The following RAB5IF variants were observed in gnomAD, a reference collection of about 807,000 sequenced individuals.
RAB5IF encodes the protein GEL complex subunit OPTI.
RAB5IF carries 15 observed loss-of-function variants against 20.3 expected under a neutral mutation model. The observed-to-expected ratio is 0.74, with a 90% confidence interval of 0.50 to 1.14. The LOEUF (loss-of-function observed/expected upper bound fraction) is 1.14, where lower values mean the gene tolerates loss of function less well. Among genes scored for constraint, RAB5IF ranks in the 50% most tolerant of loss-of-function variants. The pLI is 0.00. For synonymous variants in RAB5IF, 67 were observed against 63.7 expected (o/e 1.05, Z -0.25); for missense variants, 148 against 159.5 (o/e 0.93, Z 0.39).
In RAB5IF at chr20:36,612,322, C is replaced by A; in HGVS notation, c.*271C>A. ...ACCATCAAGTAACAGCTATTATTTG[C>A]CAAGTGGAGCTGTCATTTAATTTGA... On this transcript the variant is annotated 3_prime_UTR_variant, in exon 4 of 4. Coordinates refer to ENST00000344795, the MANE Select transcript of RAB5IF (RefSeq NM_018840.5). 9.1e-7 allele frequency: 1 copy of A among 1,102,844 alleles called. No individual in the cohort carries two copies. Among genetic ancestry groups the A allele is most frequent in the Non-Finnish European group, 1.4e-6 (1 of 728,944 alleles). The allele number at this position is 1,102,844 out of a possible 1,614,324, so 68.3% of individuals were successfully genotyped here.
At chr20:36,609,286 TGTA>T (rs1356997540) in intron 2 of RAB5IF, among the ~76,000 whole-genome samples, 3 of 149,686 alleles carry the variant, frequency 2.0e-5, no homozygotes, top group African/African-American at 7.4e-5. Context: ...TTGCCCAGGC[TGTA>T]GTGCAGTGGA....
At chr20:36,609,389 AC>A (rs1006109462) in intron 2 of RAB5IF, among the ~76,000 whole-genome samples, 5 of 151,562 alleles carry the variant, frequency 3.3e-5, no homozygotes, top group African/African-American at 1.2e-4. Flanking sequence ...ACAGGCGCCC[AC>A]CACAATGCCC....
intron 2 of RAB5IF, chr20:36,608,330 G>A (rs1292388013): frequency 5.8e-6 from 1 of 173,760 alleles, no homozygotes; most frequent in South Asian, 1.1e-4. Context: ...CTGCAGCCTC[G>A]ACCTCCTGGA....
chr20:36,611,229 G>T (rs1338768727), intron 3 of RAB5IF, among the ~76,000 whole-genome samples: 4 of 152,082 alleles, frequency 2.6e-5, no homozygotes, highest in African/African-American at 7.2e-5. Context: ...GACCTCAGGT[G>T]ATCTGCCTGC....
intron 3 of RAB5IF, among the ~76,000 whole-genome samples, chr20:36,611,495 A>G (rs2039116830): frequency 7.4e-6 from 1 of 135,266 alleles, no homozygotes; most frequent in Non-Finnish European, 1.6e-5. Flanking sequence ...GCAGGACTCA[A>G]AAAAAAAAAA....
Position 36,611,512 on chromosome 20 carries a change from A to C in RAB5IF, c.349-498A>C, listed in dbSNP as rs1387536118. 2.6e-5 allele frequency among the ~76,000 whole-genome samples: 4 copies of C among 151,800 alleles called. No homozygotes were observed. The South Asian group carries it at 6.2e-4, about 24-fold the overall frequency. On this transcript the variant is annotated intron_variant, in intron 3 of 3. Coordinates refer to ENST00000344795, the MANE Select transcript of RAB5IF (RefSeq NM_018840.5). ...AGGACTCAAAAAAAAAAAAAAAAAA[A>C]AAACCACAAAACCTTATGTGTCCAG...
At position 36,612,058 on chromosome 20, in the gene RAB5IF, A is replaced by G; in HGVS notation, c.*7A>G. 1.2e-6 allele frequency: 2 copies of G among 1,614,152 alleles called. No homozygotes were observed. Among genetic ancestry groups the G allele is most frequent in the Non-Finnish European group, 8.5e-7 (1 of 1,180,044 alleles). On this transcript the variant is annotated 3_prime_UTR_variant, in exon 4 of 4. Transcript: ENST00000344795. Reference sequence around the variant, plus strand: ...TGCCATCCATTATGACTGATGGTGTACAGCTCCCAAGTGCTCCCTATCCAG... The same window carrying G: ...TGCCATCCATTATGACTGATGGTGTGCAGCTCCCAAGTGCTCCCTATCCAG...
In RAB5IF at chr20:36,605,922, C is replaced by A; in HGVS notation, c.-30C>A. On this transcript the variant is annotated 5_prime_UTR_variant, in exon 1 of 4. Coordinates refer to ENST00000344795, the MANE Select transcript of RAB5IF (RefSeq NM_018840.5). ...TCCCTTTGGCTCAGCCCGCGCGCCC[C>A]AGGCCCGGCCCGGGCGGCGCGACGG... is the stretch of plus-strand genomic sequence containing the variant. The A allele has an allele frequency of 7.0e-7, 1 of 1,424,644 alleles. No homozygotes were observed. The highest frequency in any genetic ancestry group is 9.3e-7 in the Non-Finnish European group (1 of 1,072,672). 88.3% of individuals were successfully genotyped at this position (1,424,644 alleles called of 1,614,324 possible).
At chr20:36,607,324 G>A (rs62206140) in intron 1 of RAB5IF, among the ~76,000 whole-genome samples, 1,551 of 149,692 alleles carry the variant, frequency 0.01, 20 homozygotes, top group South Asian at 0.025. Context: ...CACCTCCCAG[G>A]TTCAAGCAAT....
rs2039144871 is a variant in RAB5IF, at chr20:36,612,328, G to A, written c.*277G>A. ...AAGTAACAGCTATTATTTGCCAAGTGGAGCTGTCATTTAATTTGATGCACC... is the reference window on the plus strand; with the variant it reads ...AAGTAACAGCTATTATTTGCCAAGTAGAGCTGTCATTTAATTTGATGCACC... On this transcript the variant is annotated 3_prime_UTR_variant, in exon 4 of 4. Coordinates refer to ENST00000344795, the MANE Select transcript of RAB5IF (RefSeq NM_018840.5). The A allele has an allele frequency of 2.8e-6, 3 of 1,058,202 alleles. No homozygotes were observed. The highest frequency in any genetic ancestry group is 1.4e-5 in the South Asian group (1 of 73,474). 65.6% of individuals were successfully genotyped at this position (1,058,202 alleles called of 1,614,324 possible).
chr20:36,609,175 A>ACGCACG (rs2039018665), intron 2 of RAB5IF, among the ~76,000 whole-genome samples: 1 of 25,510 alleles, frequency 3.9e-5, no homozygotes, highest in African/African-American at 1.8e-4. Context: ...ACACACACAC[A>ACGCACG]CACACACACA....
Position 36,612,476 on chromosome 20 carries a change from C to T in RAB5IF, c.*425C>T, listed in dbSNP as rs1329420125. The T allele has an allele frequency of 1.8e-6, 1 of 547,340 alleles. No individual in the cohort carries two copies. The highest frequency in any genetic ancestry group is 3.3e-6 in the Non-Finnish European group (1 of 304,506). 33.9% of individuals were successfully genotyped at this position (547,340 alleles called of 1,614,324 possible). On this transcript the variant is annotated 3_prime_UTR_variant, in exon 4 of 4. Transcript: ENST00000344795. ...ATGGCTGTATGTGCGTGGTCCATAGCACAGTACATGCAGCATCTAATAAGA... is the reference window on the plus strand; with the variant it reads ...ATGGCTGTATGTGCGTGGTCCATAGTACAGTACATGCAGCATCTAATAAGA...
At chr20:36,610,466 C>G (rs2039081125) in intron 3 of RAB5IF, among the ~76,000 whole-genome samples, 1 of 152,080 alleles carries the variant, frequency 6.6e-6, no homozygotes, top group Non-Finnish European at 1.5e-5. Flanking sequence ...CTTTGGGAGG[C>G]CGAGGCGGGC....
chr20:36,611,493 CAAAAAAAAA>C (rs60975859), intron 3 of RAB5IF, among the ~76,000 whole-genome samples: 5 of 46,544 alleles, frequency 1.1e-4, no homozygotes, highest in East Asian at 6.4e-4. Flanking sequence ...CAGCAGGACT[CAAAAAAAAA>C]AAAAAAAAAA....
chr20:36,611,936 C>T (rs1291012753), intron 3 of RAB5IF, 74 bp from the exon 4 acceptor site: 1 of 1,594,970 alleles, frequency 6.3e-7, no homozygotes, highest in Non-Finnish European at 8.6e-7. Flanking sequence ...ACATTCTCAT[C>T]TGGCATTTTT....
Position 36,612,282 on chromosome 20 carries a change from C to A in RAB5IF, c.*231C>A. 1 of 1,515,602 alleles carries A rather than the reference C, an allele frequency of 6.6e-7. No homozygotes were observed. Among genetic ancestry groups the A allele is most frequent in the Non-Finnish European group, 9.2e-7 (1 of 1,091,256 alleles). 93.9% of individuals were successfully genotyped at this position (1,515,602 alleles called of 1,614,324 possible). A position where few individuals can be genotyped will look rare whatever the true frequency, so the allele number is the denominator to read the frequency against. On this transcript the variant is annotated 3_prime_UTR_variant, in exon 4 of 4. Coordinates refer to ENST00000344795, the MANE Select transcript of RAB5IF (RefSeq NM_018840.5). Reference sequence around the variant, plus strand: ...ATTTCTGAATTTATCCATCACCAACCATTTCTTCTTGGATACCATCAAGTA... The same window carrying A: ...ATTTCTGAATTTATCCATCACCAACAATTTCTTCTTGGATACCATCAAGTA...
Position 36,612,162 on chromosome 20 carries a change from G to GT in RAB5IF, c.*114dup. ...GCCCCTTGGAACTTGGAAGACCCGT[G>GT]TTTCCTGGACCGCGAATCAGTGTGT... On this transcript the variant is annotated 3_prime_UTR_variant, in exon 4 of 4. Coordinates refer to ENST00000344795, the MANE Select transcript of RAB5IF (RefSeq NM_018840.5). 6.2e-7 allele frequency: 1 copy of GT among 1,614,198 alleles called. No homozygotes were observed. The highest frequency in any genetic ancestry group is 1.1e-5 in the South Asian group (1 of 91,092).
Position 36,609,606 on chromosome 20 carries a change from G to T in RAB5IF, c.224G>T (p.Cys75Phe), listed in dbSNP as rs777275491. The part of the protein sequence containing the change: ...LRGFLGIAGF[C>F]LINAGVLYLY... ...CTTGTTCTCTGTTGCTCCAGATTCTGCCTGATCAATGCAGGAGTCCTGTAC... is the reference window on the plus strand; with the variant it reads ...CTTGTTCTCTGTTGCTCCAGATTCTTCCTGATCAATGCAGGAGTCCTGTAC... Residue 75 changes from cysteine to phenylalanine, a missense_variant, in exon 3 of 4, where the codon TGC becomes TTC. Transcript: ENST00000344795. 3.1e-5 allele frequency: 50 copies of T among 1,592,492 alleles called. No homozygotes were observed. The highest frequency in any genetic ancestry group is 4.1e-5 in the Non-Finnish European group (48 of 1,169,720).
chr20:36,609,296 T>C (rs1187041004), intron 2 of RAB5IF, among the ~76,000 whole-genome samples: 2 of 149,188 alleles, frequency 1.3e-5, no homozygotes, highest in Admixed American at 6.8e-5. Flanking sequence ...TGTAGTGCAG[T>C]GGAACAATTT....
Sources: gnomAD v4.1 joint callset for allele counts (sites outside exome capture counted in the v4.1 genomes callset) on GRCh38, gnomAD v4.1.1 for gene constraint, MANE v1.5 for transcripts, NCBI Gene and HGNC (gene_info 2026-07-23, HGNC 2026-07-21) for gene names.